TUBGCP6: variants seen among roughly 807,000 people sequenced by gnomAD.
TUBGCP6 encodes the protein tubulin gamma complex component 6, also known as gamma-tubulin complex component 6.
TUBGCP6 carries 161 observed loss-of-function variants against 175.8 expected under a neutral mutation model. The observed-to-expected ratio is 0.92, with a 90% CI of 0.81 to 1.04. TUBGCP6 has a LOEUF of 1.04. TUBGCP6 is among the 50% of genes least tolerant of loss of function. The pLI, the probability that TUBGCP6 is intolerant of heterozygous loss-of-function variation, is 0.00. For missense variants in TUBGCP6, 2,572 were observed against 2,433.0 expected, an observed-to-expected ratio of 1.06 and a Z score of -1.20; for synonymous variants, 1,173 against 1,030.5, an observed-to-expected ratio of 1.14 and a Z score of -2.65.
At chr22:50,219,025 G>T in intron 20 of TUBGCP6, 43 bp downstream of exon 20, 1 of 1,607,334 alleles carries the variant, frequency 6.2e-7, no homozygotes, top group Non-Finnish European at 8.5e-7. Context: ...TTTTCCCACG[G>T]CCTCCCCTCT....
rs373066199 is a variant in TUBGCP6 at position 50,225,854 on chromosome 22, G to A, written c.1923C>T (p.Ala641=). 1.2e-4 allele frequency: 190 copies of A among 1,613,674 alleles called. No individual in the cohort carries two copies. The highest frequency in any genetic ancestry group is 3.3e-4 in the Middle Eastern group (2 of 6,084). ...CCCTCTCCATGCGCCCAACGTAGAC[G>A]GCACAGTCCTTCTCAATCTCCTTCA... ...EELKEIEKDC[A]VYVGRMERVA... is the part of the protein sequence containing the mutation. The change falls in exon 10 of 25, where the codon GCC becomes GCT. Residue 641 remains alanine, a synonymous_variant. Transcript: ENST00000248846.
intron 10 of TUBGCP6, 107 bp downstream of exon 10, chr22:50,225,686 AG>A (rs1042646982): frequency 2.7e-5 from 38 of 1,408,354 alleles, no homozygotes; most frequent in Non-Finnish European, 3.5e-5. Flanking sequence ...AAATGCCAGA[AG>A]GGAGGCCCCC....
chr22:50,233,207 T>C, intron 3 of TUBGCP6, 109 bp downstream of exon 3: 1 of 1,312,298 alleles, frequency 7.6e-7, no homozygotes, highest in Non-Finnish European at 1.1e-6. Context: ...TCCCTGCCAC[T>C]CCCCACTCCC....
At chr22:50,235,939 C>T (rs958961910) in intron 2 of TUBGCP6, among the ~76,000 whole-genome samples, 12 of 125,534 alleles carry the variant, frequency 9.6e-5, no homozygotes, top group Non-Finnish European at 1.8e-4. Context: ...GACTCCATCT[C>T]GGAAAAAAAA....
rs188675436 is a variant in TUBGCP6, at chr22:50,235,628, C to T, written c.906-2102G>A. On this transcript the variant is annotated intron_variant, in intron 2 of 24. Transcript: ENST00000248846. Reference sequence around the variant, plus strand: ...CAACTCCACTTACATGAGGTCCCTACAGTGGCCAAAATCCTAGAGACAGAA... The same window carrying T: ...CAACTCCACTTACATGAGGTCCCTATAGTGGCCAAAATCCTAGAGACAGAA... Among the ~76,000 whole-genome samples the T allele has an allele frequency of 3.0e-3, 455 of 152,330 alleles. 2 individuals are homozygous for T. Among genetic ancestry groups the T allele is most frequent in the Middle Eastern group, 0.014 (4 of 294 alleles).
chr22:50,222,510 G>A lies in TUBGCP6; in HGVS notation c.2353C>T (p.His785Tyr), dbSNP rs1327337684. The change falls in exon 14 of 25, where the codon CAC becomes TAC. Residue 785 changes from histidine to tyrosine, a missense_variant. His to Tyr is a moderately conservative substitution (Grantham distance 83, BLOSUM62 2). Transcript: ENST00000248846. ...CGAAGCCGTGCACTCTCCAGTCGGT[G>A]CCTCTGGATTCTCCACAGTGCCTTC... ...EQKALWRIQR[H>Y]RLESARLRFL... is the part of the protein sequence containing the mutation. 7.4e-6 allele frequency: 12 copies of A among 1,613,700 alleles called. No homozygotes were observed. In the African/African-American group the frequency reaches 1.1e-4, roughly 14 times the overall value.
chr22:50,224,744 T>G, intron 10 of TUBGCP6, 152 bp from the exon 11 acceptor site: 1 of 728,434 alleles, frequency 1.4e-6, no homozygotes, highest in Non-Finnish European at 2.3e-6. Context: ...CCATCCCTAC[T>G]AAAAATACAA....
At chr22:50,240,146 A>C in intron 2 of TUBGCP6, 58 bp downstream of exon 2, 1 of 1,606,902 alleles carries the variant, frequency 6.2e-7, no homozygotes, top group Non-Finnish European at 8.5e-7. Context: ...ACCCCATCCA[A>C]GGCCACGCTC....
intron 14 of TUBGCP6, 41 bp from the exon 15 acceptor site, chr22:50,222,143 C>G: frequency 1.3e-6 from 2 of 1,595,356 alleles, no homozygotes; most frequent in African/African-American, 2.7e-5. Context: ...AAGCCGGAGT[C>G]AAGCACAGCC....
At chr22:50,241,535 G>A (rs777785031) in intron 1 of TUBGCP6, among the ~76,000 whole-genome samples, 2 of 152,218 alleles carry the variant, frequency 1.3e-5, no homozygotes, top group African/African-American at 2.4e-5. Context: ...CTGTGCTTCA[G>A]CAGTCACACT....
rs149449911 is a variant in TUBGCP6, at chr22:50,243,884, G to A, written c.576C>T (p.Thr192=). The A allele has an allele frequency of 1.2e-5, 20 of 1,613,788 alleles. No individual in the cohort carries two copies. Among genetic ancestry groups the A allele is most frequent in the East Asian group, 2.2e-5 (1 of 44,898 alleles). ...MEAAPGTGLP[T]VGLFSFGDPC... is the part of the protein sequence containing the mutation. Reference sequence around the variant, plus strand: ...GGTCACCAAATGAGAAGAGCCCGACGGTGGGCAGGCCAGTGCCTGGAGCAG... The same window carrying A: ...GGTCACCAAATGAGAAGAGCCCGACAGTGGGCAGGCCAGTGCCTGGAGCAG... The change falls in exon 1 of 25, where the codon ACC becomes ACT. Residue 192 remains threonine (T), a synonymous_variant. Transcript: ENST00000248846.
chr22:50,218,926 G>T, intron 20 of TUBGCP6, 29 bp from the exon 21 acceptor site: 1 of 1,597,694 alleles, frequency 6.3e-7, no homozygotes. Flanking sequence ...ACCGTCCCCA[G>T]GAGTCCCAAG....
chr22:50,220,798 G>T lies in TUBGCP6; in HGVS notation c.3561C>A (p.Thr1187=). The T allele has an allele frequency of 6.2e-7, 1 of 1,601,882 alleles. No individual in the cohort carries two copies. The highest frequency in any genetic ancestry group is 2.3e-5 in the East Asian group (1 of 43,784). ...DMAPARPRWN[T]HGHVSDASIS... ...TGCTGGCATCAGACACGTGTCCATGGGTGTTCCACCGTGGCCGGGCGGGAG... is the reference window on the plus strand; with the variant it reads ...TGCTGGCATCAGACACGTGTCCATGTGTGTTCCACCGTGGCCGGGCGGGAG... The change falls in exon 16 of 25, where the codon ACC becomes ACA. Residue 1187 remains threonine (T), a synonymous_variant. Coordinates refer to ENST00000248846, the MANE Select transcript of TUBGCP6 (RefSeq NM_020461.4).
rs372400968 is a variant in TUBGCP6, at chr22:50,222,579, C to T, written c.2284G>A (p.Asp762Asn). The part of the protein sequence containing the change: ...LERKARQALV[D>N]HYSKLSAEAA... The stretch of plus-strand genomic sequence containing the variant: ...TCTGCAGAGAGCTTGCTGTAGTGGT[C>T]GACCAGTGCCTGCCTGAAGCCACAC... Residue 762 changes from aspartate to asparagine, a missense_variant, in exon 14 of 25, where the codon GAC becomes AAC. Asp to Asn is a conservative substitution (Grantham distance 23, BLOSUM62 1). Transcript: ENST00000248846. 6 of 1,611,688 alleles carry T rather than the reference C, an allele frequency of 3.7e-6. No homozygotes were observed. The highest frequency in any genetic ancestry group is 5.1e-6 in the Non-Finnish European group (6 of 1,180,002).
In TUBGCP6 at chr22:50,226,089, G is replaced by A. The variant is rs753309860; in HGVS notation, c.1794C>T (p.Cys598=). 76 of 1,614,014 alleles carry A rather than the reference G, an allele frequency of 4.7e-5. No homozygotes were observed. The highest frequency in any genetic ancestry group is 3.8e-4 in the East Asian group (17 of 44,900). Residue 598 remains cysteine (C), a synonymous_variant, in exon 9 of 25, where the codon TGC becomes TGT. Coordinates refer to ENST00000248846, the MANE Select transcript of TUBGCP6 (RefSeq NM_020461.4). ...LKHIAHDIYV[C]GKTINLLKLC... is the part of the protein sequence containing the mutation. The stretch of plus-strand genomic sequence containing the variant: ...GCTTCAGCAGGTTAATGGTCTTTCC[G>A]CAGACGTATATGTCGTGGGCAATGT...
chr22:50,240,699 G>A (rs2064828605), intron 1 of TUBGCP6, among the ~76,000 whole-genome samples: 1 of 152,122 alleles, frequency 6.6e-6, no homozygotes. Context: ...AAACACTACT[G>A]TACACCGGGG....
In TUBGCP6 at chr22:50,221,138, T is replaced by G. The variant is rs1450554636; in HGVS notation, c.3221A>C (p.Gln1074Pro). 6.4e-7 allele frequency: 1 copy of G among 1,568,120 alleles called. No homozygotes were observed. The highest frequency in any genetic ancestry group is 8.6e-7 in the Non-Finnish European group (1 of 1,157,244). Residue 1074 changes from glutamine to proline, a missense_variant, in exon 16 of 25, where the codon CAG (glutamine) becomes CCG (proline). Physicochemically the swap from Gln to Pro is moderately conservative, Grantham distance 76 (BLOSUM62 -1). Coordinates refer to ENST00000248846, the MANE Select transcript of TUBGCP6 (RefSeq NM_020461.4). The part of the protein sequence containing the change: ...GENVSDVAPT[Q>P]PRWNTHGHVS... ...GTGTCCGTGGGTGTTCCACCGTGGCTGGGTGGGAGCCACATCTGACACATT... is the reference window on the plus strand; with the variant it reads ...GTGTCCGTGGGTGTTCCACCGTGGCGGGGTGGGAGCCACATCTGACACATT...
rs1412219359 is a variant in TUBGCP6 at position 50,221,651 on chromosome 22, C to T, written c.2708G>A (p.Gly903Asp). Residue 903 changes from glycine to aspartate, a missense_variant, in exon 16 of 25, where the codon GGC becomes GAC. Transcript: ENST00000248846. ...SLSIGDFLPV[G>D]PGAEPSVQTG... ...CTGCACGGACGGCTCAGCCCCTGGG[C>T]CCACAGGTAGGAAGTCTCCAATGCT... 9.2e-6 allele frequency: 14 copies of T among 1,523,540 alleles called. No individual in the cohort carries two copies. Among genetic ancestry groups the T allele is most frequent in the Admixed American group, 2.2e-5 (1 of 46,454 alleles). 94.4% of individuals were successfully genotyped at this position (1,523,540 alleles called of 1,614,324 possible). A position where few individuals can be genotyped will look rare whatever the true frequency, so the allele number is the denominator to read the frequency against.
chr22:50,222,650 G>A, intron 13 of TUBGCP6, 58 bp from the exon 14 acceptor site: 2 of 1,594,112 alleles, frequency 1.3e-6, no homozygotes, highest in Non-Finnish European at 1.7e-6. Flanking sequence ...CCATCTACCT[G>A]GCACCCCTCA....
Sources: gnomAD v4.1 joint callset for allele counts (sites outside exome capture counted in the v4.1 genomes callset) on GRCh38, gnomAD v4.1.1 for gene constraint, MANE v1.5 for transcripts, NCBI Gene and HGNC (gene_info 2026-07-23, HGNC 2026-07-21) for gene names.